The following CNTNAP2 variants were observed in gnomAD, a reference collection of about 807,000 sequenced individuals.
CNTNAP2 encodes the protein contactin associated protein 2, also known as contactin-associated protein-like 2.
Under a neutral mutation model 155.2 loss-of-function variants are expected in CNTNAP2, and 98 were observed. The ratio of observed to expected loss-of-function variants is 0.63; its 90% CI spans 0.54 to 0.75. CNTNAP2 has a LOEUF of 0.75. Among genes scored for constraint, CNTNAP2 ranks in the 30% least tolerant of loss-of-function variants. The pLI is 0.00. For missense variants in CNTNAP2, 1,727 were observed against 1,688.1 expected (o/e 1.02, Z -0.40); for synonymous variants, 651 against 631.2 (o/e 1.03, Z -0.47).
At chr7:147,556,293 A>C (rs890254290) in intron 11 of CNTNAP2, among the ~76,000 whole-genome samples, 2 of 152,136 alleles carry the variant, frequency 1.3e-5, no homozygotes, top group East Asian at 3.8e-4. Context: ...ATTTTTATAT[A>C]GTTGTGATAT....
At chr7:146,221,152 A>T (rs1799202822) in intron 1 of CNTNAP2, among the ~76,000 whole-genome samples, 1 of 152,118 alleles carries the variant, frequency 6.6e-6, no homozygotes, top group South Asian at 2.1e-4. Flanking sequence ...AACCATGAAC[A>T]ACTTTAGGAT....
chr7:147,459,074 T>C (rs1797971238), intron 10 of CNTNAP2, among the ~76,000 whole-genome samples: 1 of 152,230 alleles, frequency 6.6e-6, no homozygotes, highest in Admixed American at 6.5e-5. Flanking sequence ...GATGGAGATA[T>C]TCTGTATCTG....
intron 13 of CNTNAP2, among the ~76,000 whole-genome samples, chr7:147,764,715 A>G (rs1007685949): frequency 5.3e-5 from 8 of 152,364 alleles, no homozygotes; most frequent in Non-Finnish European, 1.2e-4. Context: ...TGGAAACAAA[A>G]GCTGCTGAGT....
At chr7:146,569,117 C>T (rs892859207) in intron 1 of CNTNAP2, among the ~76,000 whole-genome samples, 2 of 152,012 alleles carry the variant, frequency 1.3e-5, no homozygotes, top group African/African-American at 4.8e-5. Flanking sequence ...CCCGGGTTCA[C>T]GCCATTCTCC....
At chr7:147,498,985 G>A (rs982958178) in intron 11 of CNTNAP2, among the ~76,000 whole-genome samples, 3 of 152,108 alleles carry the variant, frequency 2.0e-5, no homozygotes, top group African/African-American at 7.2e-5. Context: ...TAATTGTCAT[G>A]CTGGGATCAT....
intron 1 of CNTNAP2, among the ~76,000 whole-genome samples, chr7:146,420,578 C>T (rs1050388211): frequency 1.3e-5 from 2 of 152,046 alleles, no homozygotes; most frequent in Non-Finnish European, 2.9e-5. Context: ...TGCAAGAAGA[C>T]AGTTAGATAT....
intron 1 of CNTNAP2, among the ~76,000 whole-genome samples, chr7:146,519,358 A>G (rs1797585058): frequency 6.6e-6 from 1 of 151,956 alleles, no homozygotes; most frequent in Admixed American, 6.6e-5. Context: ...GGGAGGAAGG[A>G]TGGGTTGGGG....
chr7:146,360,886 A>G (rs879533267), intron 1 of CNTNAP2, among the ~76,000 whole-genome samples: 1 of 152,198 alleles, frequency 6.6e-6, no homozygotes, highest in Admixed American at 6.5e-5. Context: ...GACATGAAAC[A>G]GTGATTCATC....
intron 1 of CNTNAP2, among the ~76,000 whole-genome samples, chr7:146,357,341 T>G (rs979030506): frequency 6.6e-6 from 1 of 152,120 alleles, no homozygotes; most frequent in African/African-American, 2.4e-5. Flanking sequence ...CATTGCTTTT[T>G]TCTAACATAA....
intron 13 of CNTNAP2, among the ~76,000 whole-genome samples, chr7:147,868,735 G>A (rs776667746): frequency 2.0e-4 from 30 of 152,216 alleles, no homozygotes; most frequent in East Asian, 3.9e-4. Context: ...AGACTGCTGC[G>A]CTAGCAGTGA....
intron 13 of CNTNAP2, among the ~76,000 whole-genome samples, chr7:147,775,415 T>A (rs1424475195): frequency 4.7e-5 from 5 of 107,514 alleles, no homozygotes; most frequent in Admixed American, 1.4e-4. Context: ...ATATATATAT[T>A]TATATATATA....
intron 1 of CNTNAP2, among the ~76,000 whole-genome samples, chr7:146,437,905 C>T (rs369477226): frequency 3.3e-5 from 5 of 150,464 alleles, no homozygotes; most frequent in African/African-American, 9.9e-5. Flanking sequence ...TTGTTTTTGT[C>T]CCCTTTCTTA....
chr7:147,852,123 T>A (rs1033826095), intron 13 of CNTNAP2, among the ~76,000 whole-genome samples: 2 of 152,162 alleles, frequency 1.3e-5, no homozygotes, highest in African/African-American at 4.8e-5. Context: ...ATGCACAACC[T>A]CACGGTCCTC....
At chr7:148,275,691 T>C (rs1796859106) in intron 21 of CNTNAP2, among the ~76,000 whole-genome samples, 1 of 152,220 alleles carries the variant, frequency 6.6e-6, no homozygotes, top group Admixed American at 6.5e-5. Context: ...CCCCAAGGGT[T>C]CCAAATCATG....
chr7:146,132,713 T>C lies in CNTNAP2; in HGVS notation c.97+15740T>C, dbSNP rs1305489015. On this transcript the variant is annotated intron_variant, in intron 1 of 23. Coordinates refer to ENST00000361727, the MANE Select transcript of CNTNAP2 (RefSeq NM_014141.6). ...AGTTTACTGAGAATGTTTTCCAATTTCATCCATGTCCCTACAAAGGACATG... is the reference window on the plus strand; with the variant it reads ...AGTTTACTGAGAATGTTTTCCAATTCCATCCATGTCCCTACAAAGGACATG... 2.6e-5 allele frequency among the ~76,000 whole-genome samples: 4 copies of C among 151,948 alleles called. No homozygotes were observed. In the East Asian group the frequency reaches 7.8e-4, roughly 29 times the overall value.
chr7:146,791,094 AGT>A (rs1802666222), intron 2 of CNTNAP2, among the ~76,000 whole-genome samples: 1 of 125,468 alleles, frequency 8.0e-6, no homozygotes, highest in Admixed American at 8.4e-5. Context: ...GACAGGCCCC[AGT>A]GTGTGATGTC....
At chr7:146,216,401 A>C (rs1799113724) in intron 1 of CNTNAP2, among the ~76,000 whole-genome samples, 1 of 152,348 alleles carries the variant, frequency 6.6e-6, no homozygotes, top group Non-Finnish European at 1.5e-5. Flanking sequence ...GAGGGTTTTA[A>C]AAAGTGGTTT....
At chr7:148,271,482 A>C (rs7788197) in intron 21 of CNTNAP2, among the ~76,000 whole-genome samples, 30,985 of 152,280 alleles carry the variant, frequency 0.2, 3,273 homozygotes, top group Middle Eastern at 0.25. Flanking sequence ...ACAGGCTTCA[A>C]GCTACTCAGC....
At chr7:147,157,178 C>A (rs867134360) in intron 8 of CNTNAP2, among the ~76,000 whole-genome samples, 1 of 152,052 alleles carries the variant, frequency 6.6e-6, no homozygotes, top group African/African-American at 2.4e-5. Flanking sequence ...CCATGACACC[C>A]TCCAGGTCCC....
Sources: allele counts gnomAD v4.1 joint callset (sites outside exome capture counted in the v4.1 genomes callset), GRCh38; gene constraint gnomAD v4.1.1; transcripts MANE v1.5; gene names NCBI Gene and HGNC (gene_info 2026-07-23, HGNC 2026-07-21).